The following TBC1D8 variants were observed in gnomAD, a reference collection of about 807,000 sequenced individuals.
TBC1D8 encodes TBC1 domain family member 8.
Under a neutral mutation model 118.8 loss-of-function variants are expected in TBC1D8, and 65 were observed. The ratio of observed to expected loss-of-function variants is 0.55; its 90% CI spans 0.45 to 0.67. The LOEUF (loss-of-function observed/expected upper bound fraction) is 0.67, where lower values mean the gene tolerates loss of function less well. Among genes scored for constraint, TBC1D8 ranks in the 30% least tolerant of loss-of-function variants. The pLI is 0.00. For missense variants in TBC1D8, 1,376 were observed against 1,471.2 expected (o/e 0.94, Z 1.06); for synonymous variants, 566 against 595.8 (o/e 0.95, Z 0.73).
At position 101,033,704 on chromosome 2, in the gene TBC1D8, T is replaced by G. The variant is rs376930921; in HGVS notation, c.1658A>C (p.Glu553Ala). 2.4e-5 allele frequency: 39 copies of G among 1,613,764 alleles called. No individual in the cohort carries two copies. The highest frequency in any genetic ancestry group is 1.2e-4 in the African/African-American group (9 of 74,882). Reference protein sequence around the residue: ...HPGYYGNLVEESLGKCCLVTE... With the variant: ...HPGYYGNLVEASLGKCCLVTE... The stretch of plus-strand genomic sequence containing the variant: ...TACCAGGCAGCATTTCCCCAGGGAC[T>G]CCTCCACCAGATTCCCGTAGTAACC... Residue 553 changes from glutamate to alanine, a missense_variant, in exon 10 of 20, where the codon GAG becomes GCG. Coordinates refer to ENST00000409318, the MANE Select transcript of TBC1D8 (RefSeq NM_001330348.2).
At chr2:101,031,147 A>G (rs1313877365) in intron 11 of TBC1D8, among the ~76,000 whole-genome samples, 1 of 152,234 alleles carries the variant, frequency 6.6e-6, no homozygotes, top group African/African-American at 2.4e-5. Flanking sequence ...TGGCTTTGAC[A>G]GCATGTCCCT....
At chr2:101,090,539 TC>T (rs1675970281) in intron 1 of TBC1D8, among the ~76,000 whole-genome samples, 175 bp from the exon 2 acceptor site, 1 of 152,256 alleles carries the variant, frequency 6.6e-6, no homozygotes, top group Non-Finnish European at 1.5e-5. Context: ...AAGGGCTCTG[TC>T]TGCATCCGCA....
intron 2 of TBC1D8, among the ~76,000 whole-genome samples, chr2:101,075,649 T>G (rs1342680908): frequency 6.6e-6 from 1 of 152,154 alleles, no homozygotes; most frequent in South Asian, 2.1e-4. Context: ...GTGAAGAAAG[T>G]GCCTTGCTTC....
intron 1 of TBC1D8, among the ~76,000 whole-genome samples, chr2:101,118,377 G>A (rs139188024): frequency 0.011 from 1,612 of 152,296 alleles, 12 homozygotes; most frequent in Middle Eastern, 0.02. Flanking sequence ...CTGACAATAT[G>A]ATCTTCTATC....
rs907312552 is a variant in TBC1D8, at chr2:101,033,776, T to C, written c.1604-18A>G. 2 of 1,607,140 alleles carry C rather than the reference T, an allele frequency of 1.2e-6. No individual in the cohort carries two copies. The highest frequency in any genetic ancestry group is 3.3e-5 in the Admixed American group (2 of 59,764). ...CACCGCATCTGAGTTTTAAAAGCAA[T>C]GTTTCAAGGGGGAATGATTACTAGG... On this transcript the variant is annotated intron_variant, in intron 9 of 19. Coordinates refer to ENST00000409318, the MANE Select transcript of TBC1D8 (RefSeq NM_001330348.2).
At chr2:101,014,822 G>T (rs1367096934) in intron 17 of TBC1D8, among the ~76,000 whole-genome samples, 3 of 152,186 alleles carry the variant, frequency 2.0e-5, no homozygotes, top group Non-Finnish European at 2.9e-5. Context: ...AAGATAGTGG[G>T]TATAACTTGA....
chr2:101,109,201 C>A (rs1315691953), intron 1 of TBC1D8, among the ~76,000 whole-genome samples: 4 of 151,998 alleles, frequency 2.6e-5, no homozygotes, highest in African/African-American at 7.3e-5. Flanking sequence ...AGGGTGGAAC[C>A]ACCCACGGTA....
chr2:101,046,510 C>T (rs1260492114), intron 5 of TBC1D8, among the ~76,000 whole-genome samples: 3 of 152,184 alleles, frequency 2.0e-5, no homozygotes, highest in Non-Finnish European at 4.4e-5. Context: ...CCTTCTCTTG[C>T]AAGGTGGGGC....
intron 1 of TBC1D8, among the ~76,000 whole-genome samples, chr2:101,099,962 T>C (rs1337668810): frequency 1.3e-5 from 2 of 152,180 alleles, no homozygotes; most frequent in African/African-American, 2.4e-5. Context: ...AAGACAAGGA[T>C]GCCCTCTCTC....
chr2:101,069,304 A>AT (rs1683180772), intron 2 of TBC1D8, among the ~76,000 whole-genome samples: 1 of 151,406 alleles, frequency 6.6e-6, no homozygotes. Context: ...AAAAAAAAAA[A>AT]GGCCAGGCAC....
At chr2:101,140,447 G>A (rs531858974) in intron 1 of TBC1D8, among the ~76,000 whole-genome samples, 4 of 152,224 alleles carry the variant, frequency 2.6e-5, no homozygotes, top group African/African-American at 7.2e-5. Context: ...ACAGGCGTCC[G>A]GGGAAAATCA....
chr2:101,095,922 T>C (rs137997252), intron 1 of TBC1D8, among the ~76,000 whole-genome samples: 2 of 152,174 alleles, frequency 1.3e-5, no homozygotes, highest in East Asian at 1.9e-4. Context: ...CACAGGCCCA[T>C]GGAAGACTGA....
chr2:101,131,240 C>T (rs914465232), intron 1 of TBC1D8, among the ~76,000 whole-genome samples: 4 of 152,096 alleles, frequency 2.6e-5, no homozygotes, highest in African/African-American at 7.2e-5. Flanking sequence ...AGGCCGGGCA[C>T]GGTGGCTCAC....
chr2:101,058,911 AT>A (rs35794655), intron 3 of TBC1D8, among the ~76,000 whole-genome samples: 123,771 of 145,214 alleles, frequency 0.85, 52,989 homozygotes, highest in African/African-American at 0.94. Flanking sequence ...TTTATTTTTT[AT>A]TTTTTTTTTT....
intron 1 of TBC1D8, among the ~76,000 whole-genome samples, chr2:101,135,748 T>C (rs142086154): frequency 3.3e-5 from 5 of 152,368 alleles, no homozygotes; most frequent in East Asian, 1.9e-4. Flanking sequence ...CATGAGCAGA[T>C]TGCAAAAAGA....
chr2:101,028,481 C>T, intron 12 of TBC1D8, 49 bp from the exon 13 acceptor site: 1 of 1,513,982 alleles, frequency 6.6e-7, no homozygotes, highest in Non-Finnish European at 8.8e-7. Flanking sequence ...ATTCGGGTAC[C>T]ACAACACGGG....
chr2:101,007,961 C>T lies in TBC1D8; in HGVS notation c.3328G>A (p.Glu1110Lys), dbSNP rs1422400118. Residue 1110 changes from glutamate to lysine, a missense_variant, in exon 20 of 20, where the codon GAA becomes AAA. Coordinates refer to ENST00000409318, the MANE Select transcript of TBC1D8 (RefSeq NM_001330348.2). ...LEHILASLLTEQSLVNFFEKP... is the reference protein window; with the variant it reads ...LEHILASLLTKQSLVNFFEKP... The stretch of plus-strand genomic sequence containing the variant: ...TCAAAAAAGTTGACTAATGACTGTT[C>T]AGTCAGAAGTGAAGCTAAAATATGT... 1.9e-6 allele frequency: 3 copies of T among 1,613,884 alleles called. No homozygotes were observed. Among genetic ancestry groups the T allele is most frequent in the Non-Finnish European group, 2.5e-6 (3 of 1,179,898 alleles).
intron 3 of TBC1D8, 57 bp from the exon 4 acceptor site, chr2:101,054,393 G>A: frequency 1.3e-6 from 2 of 1,529,348 alleles, no homozygotes; most frequent in Non-Finnish European, 1.8e-6. Context: ...AAGGCAGGGG[G>A]TGCAAGGGAC....
At chr2:101,046,681 T>G (rs767040860) in intron 5 of TBC1D8, among the ~76,000 whole-genome samples, 42 of 137,514 alleles carry the variant, frequency 3.1e-4, no homozygotes, top group South Asian at 7.3e-4. Context: ...AAAGGGAGAG[T>G]GGGGGGAGGG....
Sources: gnomAD v4.1 joint callset for allele counts (sites outside exome capture counted in the v4.1 genomes callset) on GRCh38, gnomAD v4.1.1 for gene constraint, MANE v1.5 for transcripts, NCBI Gene and HGNC (gene_info 2026-07-23, HGNC 2026-07-21) for gene names.